The following FARSB variants were observed in gnomAD, a reference collection of about 807,000 sequenced individuals.
FARSB encodes phenylalanyl-tRNA synthetase subunit beta.
A neutral mutation model predicts 69.6 loss-of-function variants in FARSB; 40 were observed. That is an observed-to-expected ratio of 0.57 (90% CI 0.45 to 0.75). The LOEUF (loss-of-function observed/expected upper bound fraction) is 0.75, where lower values mean the gene tolerates loss of function less well. FARSB is among the 30% of genes least tolerant of loss of function. FARSB has a pLI of 0.00. For missense variants in FARSB, 632 were observed against 722.9 expected (o/e 0.87, Z 1.44); for synonymous variants, 235 against 247.2 (o/e 0.95, Z 0.46).
chr2:222,591,201 C>A (rs1690264157), intron 16 of FARSB, among the ~76,000 whole-genome samples: 2 of 142,524 alleles, frequency 1.4e-5, no homozygotes, highest in South Asian at 2.2e-4. Flanking sequence ...CAGAGTGAGA[C>A]CCTGTCTCTT....
At chr2:222,609,912 T>A (rs1319442754) in intron 15 of FARSB, among the ~76,000 whole-genome samples, 1 of 152,324 alleles carries the variant, frequency 6.6e-6, no homozygotes, top group Non-Finnish European at 1.5e-5. Context: ...TTGGAAGACA[T>A]GCTTGCCCAC....
chr2:222,608,242 T>G (rs184472109), intron 15 of FARSB, among the ~76,000 whole-genome samples: 30 of 152,302 alleles, frequency 2.0e-4, no homozygotes, highest in Non-Finnish European at 3.2e-4. Context: ...ACATAAGCTC[T>G]CTTTGGAAAA....
chr2:222,645,913 T>C (rs1421566015), intron 2 of FARSB, among the ~76,000 whole-genome samples: 3 of 152,074 alleles, frequency 2.0e-5, no homozygotes, highest in Non-Finnish European at 4.4e-5. Flanking sequence ...TGAAAGAAAA[T>C]ACAGAATCTG....
chr2:222,573,141 T>A (rs1212289564), intron 16 of FARSB, among the ~76,000 whole-genome samples: 1 of 152,204 alleles, frequency 6.6e-6, no homozygotes, highest in East Asian at 1.9e-4. Context: ...GGGAACCGGC[T>A]ACTGTCAAGT....
At chr2:222,605,386 T>C (rs986588552) in intron 15 of FARSB, among the ~76,000 whole-genome samples, 14 of 152,172 alleles carry the variant, frequency 9.2e-5, no homozygotes, top group Non-Finnish European at 8.8e-5. Flanking sequence ...GAGTTCCATT[T>C]TTGCTGTGAG....
intron 4 of FARSB, 25 bp downstream of exon 4, chr2:222,640,837 A>G (rs1228681691): frequency 5.4e-6 from 7 of 1,304,022 alleles, no homozygotes; most frequent in Non-Finnish European, 6.5e-6. Flanking sequence ...TTTTTAAAAG[A>G]AAAATAAGAA....
chr2:222,654,922 GGC>G (rs1193818190), intron 1 of FARSB, among the ~76,000 whole-genome samples: 1 of 152,192 alleles, frequency 6.6e-6, no homozygotes, highest in African/African-American at 2.4e-5. Flanking sequence ...GTGGGGGCCG[GGC>G]GCGGTGGCTC....
chr2:222,632,164 T>G (rs1691448177), intron 7 of FARSB, among the ~76,000 whole-genome samples: 1 of 151,984 alleles, frequency 6.6e-6, no homozygotes, highest in African/African-American at 2.4e-5. Flanking sequence ...CCTAACATCT[T>G]AAGAGCAAAG....
intron 13 of FARSB, 32 bp from the exon 14 acceptor site, chr2:222,619,769 GA>G (rs768759058): frequency 2.5e-6 from 3 of 1,185,334 alleles, no homozygotes; most frequent in Non-Finnish European, 3.8e-6. Context: ...GATTAATATG[GA>G]AAAGCAATTA....
At position 222,634,645 on chromosome 2, in the gene FARSB, T is replaced by C. The variant is rs1691530952; in HGVS notation, c.456-104A>G. 6.4e-6 allele frequency: 5 copies of C among 784,586 alleles called. No homozygotes were observed. The African/African-American group carries it at 7.0e-5, about 11-fold the overall frequency. The allele number at this position is 784,586 out of a possible 1,614,324, so 48.6% of individuals were successfully genotyped here. On this transcript the variant is annotated intron_variant, in intron 5 of 16. Transcript: ENST00000281828. ...CGAAATTCTAAAGATAACATAAATA[T>C]AGACTACATATTTTTTTTAATTATT...
chr2:222,608,606 T>TA (rs1445991101), intron 15 of FARSB, among the ~76,000 whole-genome samples: 1 of 151,632 alleles, frequency 6.6e-6, no homozygotes, highest in African/African-American at 2.4e-5. Flanking sequence ...GACTAAAGTT[T>TA]AAAAAAAAAT....
At chr2:222,649,857 T>C (rs545730427) in intron 1 of FARSB, among the ~76,000 whole-genome samples, 19 of 152,244 alleles carry the variant, frequency 1.2e-4, no homozygotes, top group Non-Finnish European at 2.4e-4. Context: ...ATTAGCAGTA[T>C]ATTCTAGCGA....
At chr2:222,579,083 G>A (rs1689905730) in intron 16 of FARSB, among the ~76,000 whole-genome samples, 1 of 152,180 alleles carries the variant, frequency 6.6e-6, no homozygotes, top group Non-Finnish European at 1.5e-5. Context: ...CAAGCCCTTT[G>A]TGGGACAGAC....
At chr2:222,605,141 C>A (rs544695921) in intron 15 of FARSB, among the ~76,000 whole-genome samples, 1 of 143,646 alleles carries the variant, frequency 7.0e-6, no homozygotes, top group South Asian at 2.2e-4. Flanking sequence ...GAGCCTGATT[C>A]CACTGTAGGA....
chr2:222,594,175 G>A (rs1221797325), intron 16 of FARSB, among the ~76,000 whole-genome samples: 4 of 151,392 alleles, frequency 2.6e-5, no homozygotes, highest in Non-Finnish European at 5.9e-5. Flanking sequence ...GCTGAAGCGG[G>A]AGAATCACAG....
chr2:222,613,759 T>G, intron 15 of FARSB, 52 bp downstream of exon 15: 1 of 1,183,632 alleles, frequency 8.4e-7, no homozygotes, highest in Non-Finnish European at 1.3e-6. Context: ...GTTTTCATAA[T>G]GAAAAAAATG....
chr2:222,634,758 C>T (rs1050214596), intron 5 of FARSB, among the ~76,000 whole-genome samples: 2 of 152,122 alleles, frequency 1.3e-5, no homozygotes, highest in Non-Finnish European at 2.9e-5. Flanking sequence ...ATTAAGAGTA[C>T]TGAGAAATCA....
chr2:222,612,521 A>G (rs904391588), intron 15 of FARSB, among the ~76,000 whole-genome samples: 1 of 152,202 alleles, frequency 6.6e-6, no homozygotes, highest in African/African-American at 2.4e-5. Context: ...ACTACTTTGG[A>G]AAGTTAAGAA....
At chr2:222,577,385 T>A (rs1689864591) in intron 16 of FARSB, among the ~76,000 whole-genome samples, 1 of 152,108 alleles carries the variant, frequency 6.6e-6, no homozygotes, top group Non-Finnish European at 1.5e-5. Context: ...TTTCTGAAGA[T>A]CAAAAGAAAG....
Sources: allele counts gnomAD v4.1 joint callset (sites outside exome capture counted in the v4.1 genomes callset), GRCh38; gene constraint gnomAD v4.1.1; transcripts MANE v1.5; gene names NCBI Gene and HGNC (gene_info 2026-07-23, HGNC 2026-07-21).